Variants in PLXDC2 observed in about 807,000 individuals in gnomAD.
PLXDC2 encodes the protein plexin domain containing 2, also known as plexin domain-containing protein 2.
PLXDC2 carries 40 observed loss-of-function variants against 68.9 expected under a neutral mutation model. The observed-to-expected ratio is 0.58, with a 90% CI of 0.45 to 0.76. The LOEUF is 0.76. Ranked by LOEUF, PLXDC2 falls within the 30% of genes least tolerant of loss-of-function variation. PLXDC2 has a pLI of 0.00. For missense variants in PLXDC2, 644 were observed against 661.9 expected, an observed-to-expected ratio of 0.97 and a Z score of 0.30; for synonymous variants, 243 against 234.2, an observed-to-expected ratio of 1.04 and a Z score of -0.34.
chr10:20,105,808 C>T (rs969690140), intron 4 of PLXDC2, among the ~76,000 whole-genome samples: 2 of 152,246 alleles, frequency 1.3e-5, no homozygotes, highest in African/African-American at 2.4e-5. Context: ...TTCAGAGCCA[C>T]ACTCGGTACA....
At chr10:19,909,782 T>A (rs1405141774) in intron 1 of PLXDC2, among the ~76,000 whole-genome samples, 1 of 152,152 alleles carries the variant, frequency 6.6e-6, no homozygotes, top group Non-Finnish European at 1.5e-5. Flanking sequence ...ATGATGATCA[T>A]GACAACAGCA....
chr10:20,007,468 C>G (rs184849226), intron 2 of PLXDC2, among the ~76,000 whole-genome samples: 12 of 152,316 alleles, frequency 7.9e-5, no homozygotes, highest in Middle Eastern at 3.4e-3. Context: ...CCTATTTCCA[C>G]TCTTGGGACA....
chr10:20,148,262 T>C (rs1269392982), intron 6 of PLXDC2, among the ~76,000 whole-genome samples: 1 of 91,588 alleles, frequency 1.1e-5, no homozygotes, highest in African/African-American at 5.2e-5. Flanking sequence ...TTTTCTTTAG[T>C]TAGTTTTTTT....
chr10:19,856,910 C>T (rs957365000), intron 1 of PLXDC2, among the ~76,000 whole-genome samples: 1 of 152,170 alleles, frequency 6.6e-6, no homozygotes. Flanking sequence ...CATTTCCTTA[C>T]TGGAAATCAT....
Position 20,001,950 on chromosome 10 carries a change from G to A in PLXDC2, c.288G>A (p.Leu96=), listed in dbSNP as rs764044436. 6.2e-7 allele frequency: 1 copy of A among 1,612,748 alleles called. No individual in the cohort carries two copies. The highest frequency in any genetic ancestry group is 8.5e-7 in the Non-Finnish European group (1 of 1,179,958). Reference sequence around the variant, plus strand: ...AGCCCAGAAGCTTCACAGACCTGCTGCTGGATGATGGGCAGGACAATAACA... The same window carrying A: ...AGCCCAGAAGCTTCACAGACCTGCTACTGGATGATGGGCAGGACAATAACA... The part of the protein sequence containing the change: ...SPEPRSFTDL[L]LDDGQDNNTQ... The change falls in exon 2 of 14, where the codon CTG becomes CTA. Residue 96 remains leucine (L), a synonymous_variant. Transcript: ENST00000377252.
At chr10:19,878,505 A>AT (rs1336426945) in intron 1 of PLXDC2, among the ~76,000 whole-genome samples, 1 of 152,172 alleles carries the variant, frequency 6.6e-6, no homozygotes, top group African/African-American at 2.4e-5. Flanking sequence ...AAGTAAAATA[A>AT]TTTTTTTCTG....
chr10:20,086,295 G>A (rs752384394), intron 4 of PLXDC2, among the ~76,000 whole-genome samples: 5 of 151,776 alleles, frequency 3.3e-5, no homozygotes, highest in Non-Finnish European at 5.9e-5. Context: ...AAATAGCTGG[G>A]ACTTTAGGCA....
intron 1 of PLXDC2, among the ~76,000 whole-genome samples, chr10:19,895,762 A>G (rs1179004445): frequency 1.3e-5 from 2 of 152,036 alleles, no homozygotes; most frequent in Non-Finnish European, 2.9e-5. Flanking sequence ...CCCTTGAAAA[A>G]TCATGCTAAG....
chr10:20,002,080 C>A, intron 2 of PLXDC2, 94 bp downstream of exon 2: 1 of 1,257,462 alleles, frequency 8.0e-7, no homozygotes, highest in Non-Finnish European at 1.1e-6. Flanking sequence ...CTCTTCATCT[C>A]AATCTAGAAA....
intron 1 of PLXDC2, among the ~76,000 whole-genome samples, chr10:19,913,257 G>A (rs189919801): frequency 6.6e-6 from 1 of 152,120 alleles, no homozygotes; most frequent in Admixed American, 6.5e-5. Flanking sequence ...TTGTGATAGA[G>A]GTGTCAAGAG....
In PLXDC2 at chr10:20,285,169, T is replaced by A. The variant is rs1321797633; in HGVS notation, c.*5350T>A. On this transcript the variant is annotated 3_prime_UTR_variant, in exon 14 of 14. Coordinates refer to ENST00000377252, the MANE Select transcript of PLXDC2 (RefSeq NM_032812.9). Reference sequence around the variant, plus strand: ...TTACAACATTTTTGTCCTTATAAGGTTTTTTGGGCAGATAATGCGAGGTCT... The same window carrying A: ...TTACAACATTTTTGTCCTTATAAGGATTTTTGGGCAGATAATGCGAGGTCT... 2 of 152,184 alleles carry A rather than the reference T, an allele frequency of 1.3e-5. No individual in the cohort carries two copies. The highest frequency in any genetic ancestry group is 4.8e-5 in the African/African-American group (2 of 41,442). The allele number at this position is 152,184 out of a possible 1,614,324, so 9.4% of individuals were successfully genotyped here.
chr10:20,246,478 C>G (rs1314829323), intron 13 of PLXDC2, among the ~76,000 whole-genome samples: 1 of 152,202 alleles, frequency 6.6e-6, no homozygotes, highest in Non-Finnish European at 1.5e-5. Flanking sequence ...GCCTCCTGAG[C>G]AGCTTGGACT....
chr10:20,000,884 A>G (rs1313318316), intron 1 of PLXDC2, among the ~76,000 whole-genome samples: 3 of 152,174 alleles, frequency 2.0e-5, no homozygotes, highest in Admixed American at 6.5e-5. Context: ...TGGGTAGAAG[A>G]AGGCTGTTCT....
intron 12 of PLXDC2, among the ~76,000 whole-genome samples, chr10:20,221,592 T>C (rs951987446): frequency 9.9e-5 from 15 of 152,232 alleles, no homozygotes; most frequent in African/African-American, 3.6e-4. Flanking sequence ...AAATCACACA[T>C]TGCTTTTTAT....
At chr10:20,088,375 G>T (rs1298113578) in intron 4 of PLXDC2, among the ~76,000 whole-genome samples, 1 of 152,110 alleles carries the variant, frequency 6.6e-6, no homozygotes, top group Non-Finnish European at 1.5e-5. Context: ...AGTGAATAAG[G>T]TATTTTTCTT....
At chr10:20,197,601 C>G (rs912720742) in intron 9 of PLXDC2, among the ~76,000 whole-genome samples, 1 of 152,088 alleles carries the variant, frequency 6.6e-6, no homozygotes. Context: ...CGTGATCCAC[C>G]CACCTTGGCC....
chr10:20,139,120 T>TA lies in PLXDC2; in HGVS notation c.542-4170dup, dbSNP rs566878140. Among the ~76,000 whole-genome samples the TA allele has an allele frequency of 3.4e-4, 51 of 152,228 alleles. No individual in the cohort carries two copies. The East Asian group carries it at 8.3e-3, about 25-fold the overall frequency. ...AATGACTCGATGAGGCTTACAGATG[T>TA]AAAAACAGATTATTCACACGACTAG... On this transcript the variant is annotated intron_variant, in intron 4 of 13. Transcript: ENST00000377252.
At chr10:20,240,136 T>A (rs1486099451) in intron 12 of PLXDC2, among the ~76,000 whole-genome samples, 2 of 152,166 alleles carry the variant, frequency 1.3e-5, no homozygotes, top group South Asian at 4.1e-4. Flanking sequence ...TGTGTCCGTA[T>A]GTATTCAATG....
At chr10:19,974,240 G>GT (rs1834411235) in intron 1 of PLXDC2, among the ~76,000 whole-genome samples, 1 of 152,204 alleles carries the variant, frequency 6.6e-6, no homozygotes, top group Admixed American at 6.5e-5. Flanking sequence ...CAGGAAGTAG[G>GT]TAAGTGGCCA....
Sources: allele counts gnomAD v4.1 joint callset (sites outside exome capture counted in the v4.1 genomes callset), GRCh38; gene constraint gnomAD v4.1.1; transcripts MANE v1.5; gene names NCBI Gene and HGNC (gene_info 2026-07-23, HGNC 2026-07-21).